ARHGEF3: variants seen among roughly 807,000 people sequenced by gnomAD.
ARHGEF3 encodes the protein 59.8 kDA protein.
Under a neutral mutation model 63.2 loss-of-function variants are expected in ARHGEF3, and 28 were observed. The ratio of observed to expected loss-of-function variants is 0.44; its 90% confidence interval spans 0.33 to 0.61. The LOEUF (loss-of-function observed/expected upper bound fraction) is 0.61, where lower values mean the gene tolerates loss of function less well. Among genes scored for constraint, ARHGEF3 ranks in the 20% least tolerant of loss-of-function variants. ARHGEF3 has a pLI of 0.03. For missense variants in ARHGEF3, 533 were observed against 659.3 expected (o/e 0.81, Z 2.10); for synonymous variants, 266 against 254.2 (o/e 1.05, Z -0.44).
intron 3 of ARHGEF3, among the ~76,000 whole-genome samples, chr3:56,952,656 C>T (rs910986361): frequency 7.2e-5 from 11 of 152,156 alleles, no homozygotes; most frequent in African/African-American, 2.2e-4. Flanking sequence ...AAATGCTCAA[C>T]ACAGTGCCAG....
chr3:56,737,469 A>T, intron 7 of ARHGEF3, 114 bp from the exon 8 acceptor site: 2 of 737,390 alleles, frequency 2.7e-6, no homozygotes, highest in Non-Finnish European at 2.1e-6. Flanking sequence ...TAACTCTGTT[A>T]TCTAAGTTGC....
At chr3:56,794,488 C>CAAAAAAAAAAAAAAAAAAAAAAAAAAAAA (rs10557985) in intron 1 of ARHGEF3, among the ~76,000 whole-genome samples, 2 of 116,934 alleles carry the variant, frequency 1.7e-5, no homozygotes, top group African/African-American at 6.4e-5. Flanking sequence ...GACTCTATCT[C>CAAAAAAAAAAAAAAAAAAAAAAAAAAAAA]AAAAAAAAAA....
chr3:56,937,065 C>T (rs557325342), intron 3 of ARHGEF3, among the ~76,000 whole-genome samples: 7 of 152,060 alleles, frequency 4.6e-5, no homozygotes, highest in South Asian at 4.2e-4. Flanking sequence ...ACTGGAGGGA[C>T]GAGGGGAGTA....
intron 3 of ARHGEF3, among the ~76,000 whole-genome samples, chr3:56,935,198 C>T (rs1430193559): frequency 1.3e-5 from 2 of 152,230 alleles, no homozygotes; most frequent in African/African-American, 2.4e-5. Flanking sequence ...AATCGACACT[C>T]TGTATCTAGC....
chr3:57,011,712 C>T (rs181056289), intron 2 of ARHGEF3, among the ~76,000 whole-genome samples: 2 of 152,292 alleles, frequency 1.3e-5, no homozygotes, highest in African/African-American at 4.8e-5. Flanking sequence ...ACTTATTTAC[C>T]TGCTGTGTGA....
intron 3 of ARHGEF3, among the ~76,000 whole-genome samples, chr3:56,882,508 C>CTT (rs397989726): frequency 2.0e-3 from 170 of 84,352 alleles, no homozygotes; most frequent in East Asian, 4.8e-3. Flanking sequence ...ATGAACACTT[C>CTT]TTTTTTTTTT....
At chr3:56,774,926 C>CAA (rs562504829) in intron 1 of ARHGEF3, 172 of 994,468 alleles carry the variant, frequency 1.7e-4, no homozygotes, top group East Asian at 8.5e-4. Flanking sequence ...ACAACAACAA[C>CAA]AAAAAAAAAA....
chr3:57,047,933 TAC>T lies in ARHGEF3; in HGVS notation c.-27-12759_-27-12758del, dbSNP rs372838953. On this transcript the variant is annotated intron_variant, in intron 1 of 12. Transcript: ENST00000338458. ...TACTAAAATACCCATGAGGAACAAT[TAC>T]AGACCCACCCAGAAGGCAAGATTGT... 3.2e-3 allele frequency among the ~76,000 whole-genome samples: 480 copies of T among 152,094 alleles called. 5 individuals carry two copies. The highest frequency in any genetic ancestry group is 0.011 in the African/African-American group (455 of 41,496).
intron 2 of ARHGEF3, among the ~76,000 whole-genome samples, chr3:56,768,487 A>C (rs947424479): frequency 6.6e-6 from 1 of 152,150 alleles, no homozygotes; most frequent in Non-Finnish European, 1.5e-5. Flanking sequence ...CACAGCCTAA[A>C]TATGTGTTAA....
chr3:56,948,847 AT>A (rs1259982630), intron 3 of ARHGEF3, among the ~76,000 whole-genome samples: 6 of 151,992 alleles, frequency 3.9e-5, no homozygotes, highest in Non-Finnish European at 5.9e-5. Flanking sequence ...TTAGACCAAT[AT>A]CCCTGATGAA....
At chr3:56,928,895 A>C (rs1187369947) in intron 3 of ARHGEF3, among the ~76,000 whole-genome samples, 1 of 152,122 alleles carries the variant, frequency 6.6e-6, no homozygotes, top group African/African-American at 2.4e-5. Flanking sequence ...TACATAACAC[A>C]CGGGCCTCAG....
At chr3:56,856,818 A>G (rs2039903234) in intron 4 of ARHGEF3, among the ~76,000 whole-genome samples, 1 of 151,114 alleles carries the variant, frequency 6.6e-6, no homozygotes, top group Admixed American at 6.6e-5. Flanking sequence ...GAGCTTGCTT[A>G]GAGGCTTTGC....
intron 1 of ARHGEF3, among the ~76,000 whole-genome samples, chr3:57,068,310 T>C (rs951213216): frequency 6.6e-6 from 1 of 152,184 alleles, no homozygotes; most frequent in African/African-American, 2.4e-5. Context: ...ATCATTCTTA[T>C]CTCACTCTAA....
chr3:56,890,240 T>C (rs1258032295), intron 3 of ARHGEF3, among the ~76,000 whole-genome samples: 1 of 152,192 alleles, frequency 6.6e-6, no homozygotes, highest in Non-Finnish European at 1.5e-5. Context: ...AAATTACTTC[T>C]CTATTCCTTC....
At chr3:56,787,540 C>T in intron 1 of ARHGEF3, among the ~76,000 whole-genome samples, 1 of 152,084 alleles carries the variant, frequency 6.6e-6, no homozygotes, top group East Asian at 1.9e-4. Context: ...TGCCATACAG[C>T]AACCCCGTTA....
At chr3:56,747,710 G>C (rs2034475581) in intron 6 of ARHGEF3, among the ~76,000 whole-genome samples, 1 of 152,144 alleles carries the variant, frequency 6.6e-6, no homozygotes, top group South Asian at 2.1e-4. Context: ...TGTAATCCCA[G>C]CTTCTTGGGA....
At chr3:56,730,352 A>T (rs2107677305) in intron 9 of ARHGEF3, among the ~76,000 whole-genome samples, 1 of 152,062 alleles carries the variant, frequency 6.6e-6, no homozygotes, top group South Asian at 2.1e-4. Context: ...TTAAAAAAAA[A>T]TGGTAGTCCA....
At chr3:56,959,144 C>T (rs572488084) in intron 2 of ARHGEF3, among the ~76,000 whole-genome samples, 137 of 152,240 alleles carry the variant, frequency 9.0e-4, no homozygotes, top group Non-Finnish European at 1.4e-3. Context: ...AAATCTAACA[C>T]GCAACCTGGA....
intron 1 of ARHGEF3, among the ~76,000 whole-genome samples, chr3:57,051,779 C>A (rs1560162885): frequency 6.6e-6 from 1 of 151,910 alleles, no homozygotes; most frequent in Admixed American, 6.6e-5. Context: ...GCCTGGCCAA[C>A]ATGGTGAAAC....
Sources: allele counts gnomAD v4.1 joint callset (sites outside exome capture counted in the v4.1 genomes callset), GRCh38; gene constraint gnomAD v4.1.1; transcripts MANE v1.5; gene names NCBI Gene and HGNC (gene_info 2026-07-23, HGNC 2026-07-21).